CHRM3: variants seen among roughly 807,000 people sequenced by gnomAD.
The protein encoded by CHRM3 is cholinergic receptor muscarinic 3.
A neutral mutation model predicts 41.8 loss-of-function variants in CHRM3; 11 were observed. The observed-to-expected ratio is 0.26, with a 90% CI of 0.17 to 0.44. CHRM3 has a LOEUF of 0.44. Ranked by LOEUF, CHRM3 falls within the 20% of genes least tolerant of loss-of-function variation. The pLI is 1.00. For missense variants in CHRM3, 571 were observed against 745.4 expected (o/e 0.77, Z 2.72); for synonymous variants, 297 against 301.4 (o/e 0.99, Z 0.15).
intron 5 of CHRM3, chr1:239,730,615 G>T (rs1258487791): frequency 1.3e-5 from 2 of 151,990 alleles, no homozygotes; most frequent in African/African-American, 4.8e-5. Context: ...AGAAACTGAT[G>T]ATAAGAGAAC....
chr1:239,839,169 A>C (rs1673576810), intron 6 of CHRM3, among the ~76,000 whole-genome samples: 1 of 152,250 alleles, frequency 6.6e-6, no homozygotes, highest in African/African-American at 2.4e-5. Context: ...TGTGGCAAAT[A>C]AGAATATCAG....
intron 2 of CHRM3, among the ~76,000 whole-genome samples, chr1:239,497,054 T>C (rs1343088945): frequency 6.6e-6 from 1 of 152,156 alleles, no homozygotes; most frequent in African/African-American, 2.4e-5. Flanking sequence ...ACTATGTTTC[T>C]GGAAAGTAAA....
At chr1:239,739,875 T>C (rs1201173883) in intron 5 of CHRM3, among the ~76,000 whole-genome samples, 1 of 152,176 alleles carries the variant, frequency 6.6e-6, no homozygotes, top group African/African-American at 2.4e-5. Context: ...TGGAGGCCAG[T>C]TGACTTTGTT....
At chr1:239,423,983 A>G (rs914625232) in intron 1 of CHRM3, among the ~76,000 whole-genome samples, 1 of 144,770 alleles carries the variant, frequency 6.9e-6, no homozygotes, top group African/African-American at 2.6e-5. Flanking sequence ...TGAACCCAGG[A>G]GGTGGAGCTT....
At chr1:239,772,084 A>G (rs777758264) in intron 5 of CHRM3, among the ~76,000 whole-genome samples, 2 of 152,218 alleles carry the variant, frequency 1.3e-5, no homozygotes, top group Non-Finnish European at 2.9e-5. Flanking sequence ...AATTGTTATT[A>G]GCATCTTCCC....
At chr1:239,572,849 C>G (rs1305728829) in intron 3 of CHRM3, among the ~76,000 whole-genome samples, 1 of 152,306 alleles carries the variant, frequency 6.6e-6, no homozygotes, top group East Asian at 1.9e-4. Context: ...TTCCACAAAG[C>G]ACTTCAGAGC....
At chr1:239,538,238 C>T (rs186554807) in intron 2 of CHRM3, among the ~76,000 whole-genome samples, 1 of 152,210 alleles carries the variant, frequency 6.6e-6, no homozygotes, top group Admixed American at 6.5e-5. Flanking sequence ...ATCTTCCATG[C>T]AATTATAAAG....
At chr1:239,454,166 C>T (rs933023413) in intron 1 of CHRM3, among the ~76,000 whole-genome samples, 1 of 152,152 alleles carries the variant, frequency 6.6e-6, no homozygotes, top group South Asian at 2.1e-4. Flanking sequence ...GAAGGGCTTA[C>T]TCTCACAAGA....
chr1:239,777,384 A>T (rs1668173398), intron 5 of CHRM3, among the ~76,000 whole-genome samples: 1 of 152,214 alleles, frequency 6.6e-6, no homozygotes, highest in South Asian at 2.1e-4. Context: ...TAATAATTTA[A>T]TGAGGTGATG....
chr1:239,573,294 G>A lies in CHRM3; in HGVS notation c.-313+27545G>A, dbSNP rs184929082. On this transcript the variant is annotated intron_variant, in intron 3 of 6. Transcript: ENST00000676153. Reference sequence around the variant, plus strand: ...AGCAGTTTTACTGAGTTCCTTCTGCGTGAAGAAAATCAAAGAGATGAGGAT... The same window carrying A: ...AGCAGTTTTACTGAGTTCCTTCTGCATGAAGAAAATCAAAGAGATGAGGAT... 5.9e-5 allele frequency among the ~76,000 whole-genome samples: 9 copies of A among 152,156 alleles called. No individual in the cohort carries two copies. The East Asian group carries it at 7.7e-4, about 13-fold the overall frequency.
At chr1:239,832,618 A>G (rs1672982709) in intron 6 of CHRM3, among the ~76,000 whole-genome samples, 1 of 151,994 alleles carries the variant, frequency 6.6e-6, no homozygotes, top group African/African-American at 2.4e-5. Flanking sequence ...TAAGAAAGTA[A>G]AATGGTGAAA....
rs1680223681 is a variant in CHRM3 at position 239,909,302 on chromosome 1, G to A, written c.*78G>A. Reference sequence around the variant, plus strand: ...TTAGGAGGAGGAAGGCGAGGGCGGGGTGACTTCTGGTGATGATAAAAATGG... The same window carrying A: ...TTAGGAGGAGGAAGGCGAGGGCGGGATGACTTCTGGTGATGATAAAAATGG... On this transcript the variant is annotated 3_prime_UTR_variant, in exon 7 of 7. Transcript: ENST00000676153. The A allele has an allele frequency of 4.3e-6, 6 of 1,411,532 alleles. No homozygotes were observed. The South Asian group carries it at 7.0e-5, about 17-fold the overall frequency. The allele number at this position is 1,411,532 out of a possible 1,614,324, so 87.4% of individuals were successfully genotyped here.
chr1:239,634,424 AAAG>A (rs1317360069), intron 4 of CHRM3, among the ~76,000 whole-genome samples: 13 of 137,886 alleles, frequency 9.4e-5, no homozygotes, highest in African/African-American at 3.3e-4. Flanking sequence ...GAAGAAAAGA[AAAG>A]AGAAAAAAAA....
intron 2 of CHRM3, among the ~76,000 whole-genome samples, chr1:239,539,662 C>T (rs1157946306): frequency 6.6e-6 from 1 of 152,172 alleles, no homozygotes; most frequent in Non-Finnish European, 1.5e-5. Context: ...CAAGATCTCA[C>T]TCTATTGTCT....
intron 1 of CHRM3, among the ~76,000 whole-genome samples, chr1:239,485,924 C>G (rs1667157997): frequency 6.6e-6 from 1 of 152,126 alleles, no homozygotes; most frequent in Non-Finnish European, 1.5e-5. Context: ...TGTATTGTTT[C>G]TTTATAATTG....
In CHRM3 at chr1:239,627,872, G is replaced by A. The variant is rs533347117; in HGVS notation, c.-312-4352G>A. Among the ~76,000 whole-genome samples the A allele has an allele frequency of 3.9e-4, 59 of 151,070 alleles. No individual in the cohort carries two copies. In the Middle Eastern group the frequency reaches 0.01, roughly 26 times the overall value. On this transcript the variant is annotated intron_variant, in intron 3 of 6. Coordinates refer to ENST00000676153, the MANE Select transcript of CHRM3 (RefSeq NM_001375978.1). ...TTGTAAGGTTTCTGCCGAGAGATCC[G>A]CTGTTAGTCTGATGGGCTTTCCTTT...
At chr1:239,588,588 AG>A (rs1663686098) in intron 3 of CHRM3, among the ~76,000 whole-genome samples, 1 of 152,224 alleles carries the variant, frequency 6.6e-6, no homozygotes, top group Non-Finnish European at 1.5e-5. Flanking sequence ...GAATATTAAA[AG>A]AAAATGAAAG....
At chr1:239,846,415 T>G (rs574453501) in intron 6 of CHRM3, among the ~76,000 whole-genome samples, 1 of 152,276 alleles carries the variant, frequency 6.6e-6, no homozygotes, top group South Asian at 2.1e-4. Flanking sequence ...TTATCGAAAT[T>G]CAATCAAACT....
chr1:239,557,537 G>A lies in CHRM3; in HGVS notation c.-313+11788G>A, dbSNP rs1660477160. 1.3e-5 allele frequency among the ~76,000 whole-genome samples: 2 copies of A among 152,060 alleles called. 1 individual carries two copies. The highest frequency in any genetic ancestry group is 2.9e-5 in the Non-Finnish European group (2 of 68,022). Reference sequence around the variant, plus strand: ...GGATGTGCAGGTTTGTGTTACATGGGTAAATGCGTGGCATGGTGCTTTGCT... The same window carrying A: ...GGATGTGCAGGTTTGTGTTACATGGATAAATGCGTGGCATGGTGCTTTGCT... On this transcript the variant is annotated intron_variant, in intron 3 of 6. Transcript: ENST00000676153.
Sources: gnomAD v4.1 joint callset for allele counts (sites outside exome capture counted in the v4.1 genomes callset) on GRCh38, gnomAD v4.1.1 for gene constraint, MANE v1.5 for transcripts, NCBI Gene and HGNC (gene_info 2026-07-23, HGNC 2026-07-21) for gene names.